The following SOX5 variants were observed in gnomAD, a reference collection of about 807,000 sequenced individuals.
SOX5 encodes the protein SRY-box transcription factor 5, also known as transcription factor SOX-5.
A neutral mutation model predicts 92.0 loss-of-function variants in SOX5; 9 were observed. That is an observed-to-expected ratio of 0.10 (90% confidence interval 0.06 to 0.17). SOX5 has a LOEUF of 0.17. Among genes scored for constraint, SOX5 ranks in the 10% least tolerant of loss-of-function variants. SOX5 has a pLI of 1.00. For synonymous variants in SOX5, 344 were observed against 336.3 expected (o/e 1.02, Z -0.25); for missense variants, 642 against 944.5 (o/e 0.68, Z 4.20).
chr12:24,117,052 AAACC>A (rs1227319431), intron 4 of SOX5, among the ~76,000 whole-genome samples: 2 of 152,088 alleles, frequency 1.3e-5, no homozygotes, highest in African/African-American at 4.8e-5. Context: ...AAATATTTGC[AAACC>A]ATACATCAGA....
At chr12:24,424,817 G>C (rs1303356943) in intron 1 of SOX5, among the ~76,000 whole-genome samples, 3 of 150,082 alleles carry the variant, frequency 2.0e-5, no homozygotes, top group Non-Finnish European at 4.4e-5. Context: ...TTGGGGGGGG[G>C]GGATGGCTGT....
At chr12:24,137,717 C>G (rs531525944) in intron 4 of SOX5, among the ~76,000 whole-genome samples, 1 of 152,364 alleles carries the variant, frequency 6.6e-6, no homozygotes, top group East Asian at 1.9e-4. Flanking sequence ...TAACATTAGC[C>G]TTGACAATGA....
At chr12:24,500,246 A>G (rs780327447) in intron 1 of SOX5, among the ~76,000 whole-genome samples, 5 of 152,312 alleles carry the variant, frequency 3.3e-5, no homozygotes, top group South Asian at 4.1e-4. Flanking sequence ...ATGAACATAA[A>G]TTTTTAATGG....
intron 4 of SOX5, among the ~76,000 whole-genome samples, chr12:24,122,699 A>G (rs1948749624): frequency 6.6e-6 from 1 of 152,170 alleles, no homozygotes. Flanking sequence ...ATTATAAGTT[A>G]TAATAGCCTC....
At chr12:23,879,675 C>T (rs1392119797) in intron 2 of SOX5, among the ~76,000 whole-genome samples, 1 of 152,072 alleles carries the variant, frequency 6.6e-6, no homozygotes, top group African/African-American at 2.4e-5. Flanking sequence ...GGGAAGGAGA[C>T]AGTGAGTAGG....
At chr12:24,077,625 T>A (rs1042286932) in intron 4 of SOX5, among the ~76,000 whole-genome samples, 1 of 151,830 alleles carries the variant, frequency 6.6e-6, no homozygotes, top group East Asian at 1.9e-4. Context: ...TATGCTTCGC[T>A]CTGGAAAGAA....
intron 2 of SOX5, among the ~76,000 whole-genome samples, chr12:24,335,538 C>G (rs777943040): frequency 6.6e-6 from 1 of 152,158 alleles, no homozygotes; most frequent in Non-Finnish European, 1.5e-5. Flanking sequence ...TTGGAGGTCC[C>G]TTATTAAGCA....
intron 1 of SOX5, among the ~76,000 whole-genome samples, chr12:24,547,099 AT>A (rs1406374890): frequency 2.0e-5 from 3 of 152,160 alleles, no homozygotes; most frequent in African/African-American, 7.2e-5. Flanking sequence ...GAGAAAAAAA[AT>A]GTGTGGTTTT....
chr12:24,154,500 C>G (rs536272474), intron 4 of SOX5, among the ~76,000 whole-genome samples: 1 of 152,166 alleles, frequency 6.6e-6, no homozygotes, highest in South Asian at 2.1e-4. Flanking sequence ...TGGCTCATAC[C>G]ACTTTTAAAA....
chr12:24,064,396 G>A (rs1284666200), intron 4 of SOX5, among the ~76,000 whole-genome samples: 1 of 152,130 alleles, frequency 6.6e-6, no homozygotes, highest in Non-Finnish European at 1.5e-5. Flanking sequence ...GGTAACCACG[G>A]CACCCGATCA....
intron 4 of SOX5, among the ~76,000 whole-genome samples, chr12:24,163,840 T>A (rs1233777117): frequency 6.6e-6 from 1 of 152,078 alleles, no homozygotes; most frequent in African/African-American, 2.4e-5. Context: ...CATTTCTTTA[T>A]CTAGCTCCAT....
chr12:23,731,159 C>T (rs1037041325), intron 6 of SOX5, among the ~76,000 whole-genome samples: 1 of 152,234 alleles, frequency 6.6e-6, no homozygotes, highest in Non-Finnish European at 1.5e-5. Flanking sequence ...AGGACTCACA[C>T]TTGCAGCTTC....
chr12:23,649,925 TGA>T (rs2081343359), intron 7 of SOX5, among the ~76,000 whole-genome samples: 3 of 152,298 alleles, frequency 2.0e-5, no homozygotes, highest in Non-Finnish European at 4.4e-5. Flanking sequence ...TTTCATCTAC[TGA>T]ACTAATGCAA....
chr12:23,929,816 T>C (rs540686604), intron 1 of SOX5, among the ~76,000 whole-genome samples: 1 of 151,958 alleles, frequency 6.6e-6, no homozygotes, highest in South Asian at 2.1e-4. Context: ...CAACAGAAAA[T>C]GTTATATTTA....
chr12:24,446,281 G>A (rs191782340), intron 1 of SOX5, among the ~76,000 whole-genome samples: 1 of 152,276 alleles, frequency 6.6e-6, no homozygotes, highest in East Asian at 1.9e-4. Flanking sequence ...GGGAGAGACT[G>A]AGACTACCCT....
chr12:23,609,590 A>G (rs1490826645), intron 8 of SOX5, among the ~76,000 whole-genome samples: 1 of 152,198 alleles, frequency 6.6e-6, no homozygotes, highest in East Asian at 1.9e-4. Flanking sequence ...ATAAGTATGT[A>G]AGTAATCTCA....
intron 8 of SOX5, among the ~76,000 whole-genome samples, chr12:23,621,977 T>C (rs2077236694): frequency 6.6e-6 from 1 of 152,124 alleles, no homozygotes; most frequent in African/African-American, 2.4e-5. Flanking sequence ...GAAAGATAGA[T>C]GGGACACACC....
At chr12:23,749,175 A>C (rs934107190) in intron 4 of SOX5, among the ~76,000 whole-genome samples, 1 of 151,918 alleles carries the variant, frequency 6.6e-6, no homozygotes, top group African/African-American at 2.4e-5. Context: ...ACATCTATTA[A>C]TTAGTTCTTT....
chr12:23,682,376 A>C (rs1042845930), intron 6 of SOX5, among the ~76,000 whole-genome samples: 1 of 151,806 alleles, frequency 6.6e-6, no homozygotes, highest in Non-Finnish European at 1.5e-5. Context: ...TGAAACATTT[A>C]CTTGTGAATT....
Sources: gnomAD v4.1 joint callset for allele counts (sites outside exome capture counted in the v4.1 genomes callset) on GRCh38, gnomAD v4.1.1 for gene constraint, MANE v1.5 for transcripts, NCBI Gene and HGNC (gene_info 2026-07-23, HGNC 2026-07-21) for gene names.